Variants in ARID1B observed in about 807,000 individuals in gnomAD.
The protein encoded by ARID1B is AT-rich interaction domain 1B.
ARID1B carries 30 observed loss-of-function variants against 212.3 expected under a neutral mutation model. The observed-to-expected ratio is 0.14, with a 90% CI of 0.11 to 0.19. The LOEUF (loss-of-function observed/expected upper bound fraction) is 0.19. Among genes scored for constraint, ARID1B ranks in the 10% least tolerant of loss-of-function variants. The pLI is 1.00. For missense variants in ARID1B, 2,891 were observed against 3,204.0 expected (o/e 0.90, Z 2.36); for synonymous variants, 1,402 against 1,301.7 (o/e 1.08, Z -1.66).
Position 157,075,649 on chromosome 6 carries a change from T to A in ARID1B, c.2248-9013T>A, listed in dbSNP as rs1316919206. On this transcript the variant is annotated intron_variant, in intron 4 of 19. Coordinates refer to ENST00000636930, the MANE Select transcript of ARID1B (RefSeq NM_001374828.1). The stretch of plus-strand genomic sequence containing the variant: ...GGTTGACACCACCTTAACCAAGTGA[T>A]CAAGGCTAACATCACCAGTGGTGAG... 3.3e-5 allele frequency among the ~76,000 whole-genome samples: 5 copies of A among 152,368 alleles called. No individual in the cohort carries two copies. In the East Asian group the frequency reaches 5.8e-4, roughly 18 times the overall value.
intron 4 of ARID1B, among the ~76,000 whole-genome samples, chr6:157,038,912 T>C (rs927973937): frequency 2.0e-5 from 3 of 152,044 alleles, no homozygotes; most frequent in Non-Finnish European, 2.9e-5. Context: ...GCCTTAACTT[T>C]TTTTTTTTTG....
intron 3 of ARID1B, among the ~76,000 whole-genome samples, chr6:156,907,687 A>G (rs1003243570): frequency 6.6e-6 from 1 of 151,600 alleles, no homozygotes; most frequent in Admixed American, 6.6e-5. Flanking sequence ...ACCTGAGATC[A>G]GGAGTTTGAG....
At chr6:157,138,831 T>G (rs1789128929) in intron 7 of ARID1B, among the ~76,000 whole-genome samples, 1 of 152,246 alleles carries the variant, frequency 6.6e-6, no homozygotes, top group African/African-American at 2.4e-5. Flanking sequence ...TAATTCCTTC[T>G]TCTATACTGT....
chr6:156,980,712 C>T (rs529636893), intron 4 of ARID1B, among the ~76,000 whole-genome samples: 13 of 152,136 alleles, frequency 8.5e-5, no homozygotes, highest in East Asian at 7.7e-4. Context: ...AGTGGAGGGA[C>T]GGCCTTTGAG....
Position 156,779,106 on chromosome 6 carries a change from G to A in ARID1B, c.1426G>A (p.Ala476Thr). The change falls in exon 1 of 20, where the codon GCG becomes ACG. Residue 476 changes from alanine (A) to threonine (T), a missense_variant. By Grantham distance (58) the Ala-to-Thr change is moderately conservative (BLOSUM62 0). Coordinates refer to ENST00000636930, the MANE Select transcript of ARID1B (RefSeq NM_001374828.1). ...GGGGAASLSKAAAGSAAGGFQ... is the reference protein window; with the variant it reads ...GGGGAASLSKTAAGSAAGGFQ... ...CGGCGGGGCCGCGAGCCTCAGCAAGGCGGCCGCCGGCTCGGCGGCGGGGGG... is the reference window on the plus strand; with the variant it reads ...CGGCGGGGCCGCGAGCCTCAGCAAGACGGCCGCCGGCTCGGCGGCGGGGGG... The A allele has an allele frequency of 6.5e-6, 8 of 1,233,236 alleles. No individual in the cohort carries two copies. The highest frequency in any genetic ancestry group is 8.1e-6 in the Non-Finnish European group (8 of 989,076). 76.4% of individuals were successfully genotyped at this position (1,233,236 alleles called of 1,614,324 possible).
intron 3 of ARID1B, among the ~76,000 whole-genome samples, chr6:156,923,927 T>G (rs1161364936): frequency 6.6e-6 from 1 of 152,132 alleles, no homozygotes; most frequent in Non-Finnish European, 1.5e-5. Flanking sequence ...TAAACTGATC[T>G]CAGGCGATCT....
chr6:156,829,699 A>T (rs1176625078), intron 2 of ARID1B: 1 of 323,998 alleles, frequency 3.1e-6, no homozygotes, highest in Non-Finnish European at 5.7e-6. Context: ...AGCAGGTTAT[A>T]ACAGATGTAA....
chr6:156,810,234 G>T (rs914284977), intron 1 of ARID1B, among the ~76,000 whole-genome samples: 2 of 152,150 alleles, frequency 1.3e-5, no homozygotes, highest in African/African-American at 4.8e-5. Flanking sequence ...AATTTTTTGA[G>T]TTAGAATTTA....
intron 6 of ARID1B, among the ~76,000 whole-genome samples, chr6:157,116,348 C>G (rs910915051): frequency 1.3e-5 from 2 of 151,650 alleles, no homozygotes; most frequent in Admixed American, 6.6e-5. Flanking sequence ...TTTTCGAAAA[C>G]CTTCTAATTG....
At chr6:157,205,286 T>G (rs554858307) in intron 19 of ARID1B, 1 of 152,254 alleles carries the variant, frequency 6.6e-6, no homozygotes, top group South Asian at 2.1e-4. Flanking sequence ...TATGAAGGTA[T>G]AGCTGATTTC....
At chr6:157,112,178 G>A (rs1286062116) in intron 6 of ARID1B, among the ~76,000 whole-genome samples, 2 of 152,046 alleles carry the variant, frequency 1.3e-5, no homozygotes, top group African/African-American at 4.8e-5. Flanking sequence ...TTTAATAATT[G>A]TGTGAATATG....
chr6:156,987,576 C>A (rs374273961), intron 4 of ARID1B, among the ~76,000 whole-genome samples: 42 of 152,280 alleles, frequency 2.8e-4, no homozygotes, highest in African/African-American at 8.9e-4. Context: ...GTGATCCGCC[C>A]GCCTCGGCCT....
At chr6:156,817,051 A>G (rs1196252958) in intron 1 of ARID1B, among the ~76,000 whole-genome samples, 2 of 151,614 alleles carry the variant, frequency 1.3e-5, no homozygotes, top group Non-Finnish European at 2.9e-5. Flanking sequence ...TTAGAACAAT[A>G]AGGAACTTCA....
chr6:156,790,710 A>C (rs1050290755), intron 1 of ARID1B, among the ~76,000 whole-genome samples: 5 of 152,196 alleles, frequency 3.3e-5, no homozygotes, highest in Admixed American at 2.0e-4. Context: ...TGGCTGATGC[A>C]GAACGCATTT....
At chr6:156,869,811 A>G (rs1161180297) in intron 2 of ARID1B, among the ~76,000 whole-genome samples, 2 of 152,252 alleles carry the variant, frequency 1.3e-5, no homozygotes, top group African/African-American at 2.4e-5. Flanking sequence ...CCTGTAGGGA[A>G]AAATCGGTTC....
intron 7 of ARID1B, among the ~76,000 whole-genome samples, chr6:157,135,961 GC>G (rs146618671): frequency 0.093 from 14,064 of 151,952 alleles, 754 homozygotes; most frequent in African/African-American, 0.1. Context: ...TTCTGGTTTT[GC>G]TTTTTTAAAG....
intron 1 of ARID1B, among the ~76,000 whole-genome samples, chr6:156,789,950 A>C (rs1779904438): frequency 6.6e-6 from 1 of 152,244 alleles, no homozygotes; most frequent in Non-Finnish European, 1.5e-5. Context: ...TGAATAAGGA[A>C]TTAAAATGAG....
At chr6:157,144,373 A>G (rs1789575851) in intron 7 of ARID1B, among the ~76,000 whole-genome samples, 1 of 152,254 alleles carries the variant, frequency 6.6e-6, no homozygotes, top group Admixed American at 6.5e-5. Context: ...AGCAAAGGGC[A>G]CATAAGTTTT....
intron 5 of ARID1B, among the ~76,000 whole-genome samples, chr6:157,093,070 G>C (rs1041869112): frequency 8.5e-5 from 13 of 152,110 alleles, no homozygotes; most frequent in African/African-American, 3.1e-4. Flanking sequence ...GCATTGACCC[G>C]CTGCCTTCTC....
Sources: allele counts gnomAD v4.1 joint callset (sites outside exome capture counted in the v4.1 genomes callset), GRCh38; gene constraint gnomAD v4.1.1; transcripts MANE v1.5; gene names NCBI Gene and HGNC (gene_info 2026-07-23, HGNC 2026-07-21).